The following INPP5A variants were observed in gnomAD, a reference collection of about 807,000 sequenced individuals.
The protein encoded by INPP5A is inositol polyphosphate-5-phosphatase A.
INPP5A carries 14 observed loss-of-function variants against 65.2 expected under a neutral mutation model. The ratio of observed to expected loss-of-function variants is 0.21; its 90% CI spans 0.14 to 0.34. The LOEUF (loss-of-function observed/expected upper bound fraction) is 0.34. Among genes scored for constraint, INPP5A ranks in the 10% least tolerant of loss-of-function variants. INPP5A has a pLI of 1.00. For synonymous variants in INPP5A, 207 were observed against 208.3 expected (o/e 0.99, Z 0.05); for missense variants, 431 against 545.6 (o/e 0.79, Z 2.09).
intron 9 of INPP5A, among the ~76,000 whole-genome samples, chr10:132,729,898 A>G (rs1846051680): frequency 6.6e-6 from 1 of 152,298 alleles, no homozygotes; most frequent in Admixed American, 6.5e-5. Flanking sequence ...CTTTCTCCTG[A>G]GAGTCAGTAA....
intron 8 of INPP5A, among the ~76,000 whole-genome samples, chr10:132,723,305 G>A (rs935557471): frequency 6.6e-6 from 1 of 152,266 alleles, no homozygotes; most frequent in African/African-American, 2.4e-5. Context: ...GTGAGGGCCA[G>A]CCGGGAGGCC....
At chr10:132,640,688 G>A (rs1438031614) in intron 2 of INPP5A, among the ~76,000 whole-genome samples, 3 of 152,278 alleles carry the variant, frequency 2.0e-5, no homozygotes, top group Non-Finnish European at 2.9e-5. Context: ...AGGGCCACAT[G>A]CTCCCATGGC....
rs1293350547 is a variant in INPP5A, at chr10:132,741,695, T to C, written c.733-7822T>C. Among the ~76,000 whole-genome samples, 1 of 150,510 alleles carries C rather than the reference T, an allele frequency of 6.6e-6. No homozygotes were observed. The highest frequency in any genetic ancestry group is 6.6e-5 in the Admixed American group (1 of 15,176). On this transcript the variant is annotated intron_variant, in intron 9 of 15. Transcript: ENST00000368594. This position sits in a 1 kb window ranked among gnomAD's most constrained non-coding sequence, Gnocchi z 4.4. ...TCCGCTTGCTTTTCTCAATAGCCAA[T>C]GTAAACTGAGGTGGACGTCAGTATC...
intron 4 of INPP5A, among the ~76,000 whole-genome samples, chr10:132,685,812 T>C (rs2073107984): frequency 6.6e-6 from 1 of 152,224 alleles, no homozygotes; most frequent in Non-Finnish European, 1.5e-5. Context: ...GCTCCCGCCC[T>C]GAGTTGGCTG....
At chr10:132,738,118 T>C (rs1846209732) in intron 9 of INPP5A, among the ~76,000 whole-genome samples, 1 of 152,224 alleles carries the variant, frequency 6.6e-6, no homozygotes, top group Non-Finnish European at 1.5e-5. Flanking sequence ...CCGTAGTGTG[T>C]TCACTAATCT....
intron 8 of INPP5A, among the ~76,000 whole-genome samples, chr10:132,721,227 A>AGGGT (rs1472808912): frequency 2.2e-5 from 3 of 134,964 alleles, no homozygotes; most frequent in African/African-American, 8.5e-5. Context: ...TGCTGTCTTC[A>AGGGT]GGGTTCTGTG....
At chr10:132,685,454 C>T (rs192815776) in intron 4 of INPP5A, among the ~76,000 whole-genome samples, 7 of 152,250 alleles carry the variant, frequency 4.6e-5, no homozygotes, top group South Asian at 2.1e-4. Context: ...CGTCCCTTAG[C>T]GCGGGGTCTG....
At chr10:132,585,357 C>T (rs1007520416) in intron 1 of INPP5A, among the ~76,000 whole-genome samples, 4 of 152,176 alleles carry the variant, frequency 2.6e-5, no homozygotes, top group Non-Finnish European at 5.9e-5. Context: ...TTTGAGAGAG[C>T]GAGAGAAAGC....
chr10:132,714,237 T>TG (rs1393936407), intron 8 of INPP5A, among the ~76,000 whole-genome samples: 2 of 152,190 alleles, frequency 1.3e-5, no homozygotes, highest in African/African-American at 4.8e-5. Flanking sequence ...GAATGGCTCC[T>TG]GCGGCGCGCT....
intron 9 of INPP5A, among the ~76,000 whole-genome samples, chr10:132,746,086 C>T (rs1202294368): frequency 2.6e-5 from 4 of 152,106 alleles, no homozygotes; most frequent in Admixed American, 2.6e-4. Context: ...TTCTTCGGAG[C>T]CCTGAGTGGG....
At position 132,663,980 on chromosome 10, in the gene INPP5A, C is replaced by T. The variant is rs2072771212; in HGVS notation, c.306+13475C>T. Among the ~76,000 whole-genome samples, 1 of 152,240 alleles carries T rather than the reference C, an allele frequency of 6.6e-6. No individual in the cohort carries two copies. The highest frequency in any genetic ancestry group is 2.1e-4 in the South Asian group (1 of 4,834). ...GCCGTGTCACACGCAGCCCAGGAAA[C>T]AAACACGCCGCGCGAAAGGTATTGG... On this transcript the variant is annotated intron_variant, in intron 4 of 15. Transcript: ENST00000368594. The surrounding 1 kb of genome is among the most constrained non-coding windows in gnomAD (Gnocchi z 4.5).
At chr10:132,777,211 C>T (rs2182620) in intron 12 of INPP5A, among the ~76,000 whole-genome samples, 29,167 of 152,164 alleles carry the variant, frequency 0.19, 3,303 homozygotes, top group Non-Finnish European at 0.26. Flanking sequence ...GTGGGAGCGG[C>T]GTTGGTCAAA....
At chr10:132,749,650 G>T (rs1450229439) in intron 10 of INPP5A, 38 bp downstream of exon 10, 1 of 1,598,838 alleles carries the variant, frequency 6.3e-7, no homozygotes, top group Non-Finnish European at 8.6e-7. Flanking sequence ...GACGCACGGG[G>T]CCTGCGCAGG....
intron 8 of INPP5A, among the ~76,000 whole-genome samples, chr10:132,723,820 C>T (rs1197771334): frequency 6.6e-6 from 1 of 152,208 alleles, no homozygotes; most frequent in African/African-American, 2.4e-5. Flanking sequence ...TGCCGCTCTC[C>T]TGGGGTCTCG....
intron 2 of INPP5A, among the ~76,000 whole-genome samples, chr10:132,643,643 C>T (rs1349096756): frequency 6.6e-6 from 1 of 152,204 alleles, no homozygotes; most frequent in Non-Finnish European, 1.5e-5. Context: ...AGTCAAAGGG[C>T]ATAAAAGCAT....
chr10:132,560,951 ATTC>A (rs947128749), intron 1 of INPP5A, among the ~76,000 whole-genome samples: 4 of 149,776 alleles, frequency 2.7e-5, no homozygotes, highest in African/African-American at 9.9e-5. Context: ...ATCTTTACAT[ATTC>A]TGGATGCTAG....
intron 11 of INPP5A, among the ~76,000 whole-genome samples, chr10:132,761,834 A>G (rs1846738759): frequency 6.6e-6 from 1 of 152,244 alleles, no homozygotes; most frequent in South Asian, 2.1e-4. Context: ...CAGAAATACA[A>G]CAAAGGCAGG....
chr10:132,565,198 C>A (rs1267815682), intron 1 of INPP5A, among the ~76,000 whole-genome samples: 1 of 152,280 alleles, frequency 6.6e-6, no homozygotes, highest in East Asian at 1.9e-4. Flanking sequence ...CAGCCTTGAC[C>A]TTCTGGGCAC....
intron 8 of INPP5A, among the ~76,000 whole-genome samples, chr10:132,716,294 T>C (rs768967411): frequency 1.3e-5 from 2 of 152,260 alleles, no homozygotes; most frequent in Non-Finnish European, 2.9e-5. Flanking sequence ...CCTTTGCAGC[T>C]TTCTGGCCTC....
Sources: gnomAD v4.1 joint callset for allele counts (sites outside exome capture counted in the v4.1 genomes callset) on GRCh38, gnomAD v4.1.1 for gene constraint, Gnocchi (gnomAD v3.1) non-coding constraint, MANE v1.5 for transcripts, NCBI Gene and HGNC (gene_info 2026-07-23, HGNC 2026-07-21) for gene names.